Variants in TCF3 observed in about 807,000 individuals in gnomAD.
TCF3 encodes the protein transcription factor E2-alpha.
Under a neutral mutation model 72.3 loss-of-function variants are expected in TCF3, and 54 were observed. The observed-to-expected ratio is 0.75, with a 90% CI of 0.60 to 0.94. The LOEUF is 0.94. TCF3 is among the 40% of genes least tolerant of loss of function. TCF3 has a pLI of 0.00. For synonymous variants in TCF3, 525 were observed against 412.6 expected, an observed-to-expected ratio of 1.27 and a Z score of -3.30; for missense variants, 1,078 against 934.4, an observed-to-expected ratio of 1.15 and a Z score of -2.00.
At chr19:1,612,512 A>C in intron 18 of TCF3, 1 of 1,383,152 alleles carries the variant, frequency 7.2e-7, no homozygotes, top group Non-Finnish European at 1.0e-6. Flanking sequence ...TGGAGAGGGT[A>C]TCCAGCTACT....
chr19:1,646,228 G>A lies in TCF3; in HGVS notation c.145+127C>T, dbSNP rs547404000. On this transcript the variant is annotated intron_variant, in intron 3 of 18. Coordinates refer to ENST00000262965, the MANE Select transcript of TCF3 (RefSeq NM_003200.5). ...TCTTCAGGCTCGCTGCCCCCGACCC[G>A]GCCTGTGTGGCCCTTTCCCCATTGT... The A allele has an allele frequency of 3.0e-4, 308 of 1,041,396 alleles. 6 individuals are homozygous for A. Among genetic ancestry groups the A allele is most frequent in the South Asian group, 1.9e-3 (117 of 61,976 alleles). 64.5% of individuals were successfully genotyped at this position (1,041,396 alleles called of 1,614,324 possible).
chr19:1,616,540 C>T (rs972257121), intron 16 of TCF3: 2 of 152,072 alleles, frequency 1.3e-5, no homozygotes, highest in African/African-American at 2.4e-5. Flanking sequence ...TGTGCAGATG[C>T]TATGCTAATC....
chr19:1,619,604 G>A (rs915807718), intron 14 of TCF3, 130 bp from the exon 15 acceptor site: 27 of 1,375,106 alleles, frequency 2.0e-5, no homozygotes, highest in African/African-American at 1.0e-4. Flanking sequence ...GCATATGCCA[G>A]GCATCTGGCG....
Position 1,621,132 on chromosome 19 carries a change from C to T in TCF3, c.1014+1G>A. 1 of 1,540,936 alleles carries T rather than the reference C, an allele frequency of 6.5e-7. No homozygotes were observed. On this transcript the variant is annotated splice_donor_variant, in intron 12 of 18. Transcript: ENST00000262965. LOFTEE classifies it high-confidence loss of function. Reference sequence around the variant, plus strand: ...GCCACCCCCCATGCCCCACGCCTCACCGAGGCCAGTGCTTTGCCGAGGGCA... The same window carrying T: ...GCCACCCCCCATGCCCCACGCCTCATCGAGGCCAGTGCTTTGCCGAGGGCA...
intron 3 of TCF3, among the ~76,000 whole-genome samples, chr19:1,640,666 A>G (rs2145339604): frequency 6.6e-6 from 1 of 152,084 alleles, no homozygotes; most frequent in South Asian, 2.1e-4. Flanking sequence ...AAAATACAAA[A>G]ACTTAGCCGG....
At chr19:1,613,863 G>A (rs1307841331) in intron 18 of TCF3, among the ~76,000 whole-genome samples, 1 of 152,238 alleles carries the variant, frequency 6.6e-6, no homozygotes, top group South Asian at 2.1e-4. Flanking sequence ...CACTGCCACC[G>A]TGAATGGTCG....
chr19:1,618,648 G>A (rs1330544079), intron 16 of TCF3, among the ~76,000 whole-genome samples: 1 of 152,092 alleles, frequency 6.6e-6, no homozygotes, highest in Non-Finnish European at 1.5e-5. Context: ...CCAGGTACTT[G>A]CCTACTCTTG....
intron 2 of TCF3, among the ~76,000 whole-genome samples, chr19:1,648,504 C>A (rs980528690): frequency 6.6e-6 from 1 of 152,160 alleles, no homozygotes; most frequent in Non-Finnish European, 1.5e-5. Context: ...TCCCCCCAAA[C>A]GCTGGTCTGT....
At chr19:1,648,290 G>A (rs1015424534) in intron 2 of TCF3, among the ~76,000 whole-genome samples, 3 of 152,234 alleles carry the variant, frequency 2.0e-5, no homozygotes, top group Non-Finnish European at 4.4e-5. Flanking sequence ...GGCAGTCACA[G>A]GGGCTGCCTC....
At chr19:1,627,472 A>G in intron 5 of TCF3, 46 bp from the exon 6 acceptor site, 1 of 1,584,812 alleles carries the variant, frequency 6.3e-7, no homozygotes, top group South Asian at 1.1e-5. Context: ...CCCAAGGAAC[A>G]TCCTGAGGGC....
intron 3 of TCF3, among the ~76,000 whole-genome samples, chr19:1,639,168 C>G (rs188460836): frequency 0.011 from 1,709 of 152,330 alleles, 13 homozygotes; most frequent in Middle Eastern, 0.031. Context: ...CTCAGCCTCC[C>G]GAGCAGCTGG....
intron 3 of TCF3, among the ~76,000 whole-genome samples, chr19:1,646,052 C>G (rs1041284396): frequency 6.6e-6 from 1 of 152,166 alleles, no homozygotes; most frequent in African/African-American, 2.4e-5. Context: ...CCCACCCACA[C>G]ACAGGCCCAG....
chr19:1,625,461 C>T, intron 7 of TCF3, 115 bp downstream of exon 7: 1 of 1,293,862 alleles, frequency 7.7e-7, no homozygotes, highest in African/African-American at 1.6e-5. Flanking sequence ...CCAGCCAGGA[C>T]CTGGAAGGTG....
Position 1,610,928 on chromosome 19 carries a change from G to C in TCF3, c.*779C>G, listed in dbSNP as rs1209656367. 1.2e-4 allele frequency: 24 copies of C among 199,874 alleles called. No homozygotes were observed. Among genetic ancestry groups the C allele is most frequent in the Non-Finnish European group, 2.2e-4 (22 of 100,740 alleles). 12.4% of individuals were successfully genotyped at this position (199,874 alleles called of 1,614,324 possible). On this transcript the variant is annotated 3_prime_UTR_variant, in exon 19 of 19. Transcript: ENST00000262965. ...CTGTCTGTGTGCAGTGGCTTCCGGG[G>C]GGGGGGGGGGACGGGGGGGCTCAGG...
intron 5 of TCF3, among the ~76,000 whole-genome samples, chr19:1,630,119 T>C (rs72618601): frequency 0.059 from 9,000 of 152,276 alleles, 665 homozygotes; most frequent in East Asian, 0.41. Context: ...GCTCTGGGCA[T>C]TGCTGGCCGG....
At chr19:1,631,081 C>A (rs1460157204) in intron 5 of TCF3, among the ~76,000 whole-genome samples, 1 of 152,206 alleles carries the variant, frequency 6.6e-6, no homozygotes, top group African/African-American at 2.4e-5. Flanking sequence ...GGAATATACC[C>A]AAGACCAGGC....
At chr19:1,629,886 C>CG (rs972527531) in intron 5 of TCF3, among the ~76,000 whole-genome samples, 2 of 152,136 alleles carry the variant, frequency 1.3e-5, no homozygotes, top group African/African-American at 2.4e-5. Context: ...CTTGGTGACC[C>CG]GGGGGGACAT....
chr19:1,630,892 G>A (rs1476990793), intron 5 of TCF3, among the ~76,000 whole-genome samples: 1 of 152,174 alleles, frequency 6.6e-6, no homozygotes, highest in African/African-American at 2.4e-5. Flanking sequence ...TGAAGCTCGG[G>A]GCATTTCCTG....
intron 1 of TCF3, chr19:1,651,250 G>A (rs1313919981): frequency 4.4e-6 from 1 of 226,920 alleles, no homozygotes; most frequent in Non-Finnish European, 8.8e-6. Context: ...GGGGTCCCCA[G>A]GTGGGGACGG....
Sources: allele counts gnomAD v4.1 joint callset (sites outside exome capture counted in the v4.1 genomes callset), GRCh38; gene constraint gnomAD v4.1.1; transcripts MANE v1.5; gene names NCBI Gene and HGNC (gene_info 2026-07-23, HGNC 2026-07-21).